The following FAN1 variants were observed in gnomAD, a reference collection of about 807,000 sequenced individuals.
FAN1 encodes fanconi-associated nuclease 1.
A neutral mutation model predicts 104.9 loss-of-function variants in FAN1; 91 were observed. That is an observed-to-expected ratio of 0.87 (90% CI 0.73 to 1.03). FAN1 has a LOEUF of 1.03. FAN1 is among the 50% of genes least tolerant of loss of function. FAN1 has a pLI of 0.00. For missense variants in FAN1, 1,263 were observed against 1,239.9 expected, an observed-to-expected ratio of 1.02 and a Z score of -0.28; for synonymous variants, 478 against 457.6, an observed-to-expected ratio of 1.04 and a Z score of -0.57.
chr15:30,908,841 C>CA (rs2062037725), intron 3 of FAN1, among the ~76,000 whole-genome samples: 1 of 151,880 alleles, frequency 6.6e-6, no homozygotes, highest in South Asian at 2.1e-4. Context: ...AACTCTGTCT[C>CA]AAAAAAAATG....
chr15:30,910,147 T>C (rs2062066414), intron 3 of FAN1, among the ~76,000 whole-genome samples: 1 of 152,252 alleles, frequency 6.6e-6, no homozygotes, highest in Non-Finnish European at 1.5e-5. Flanking sequence ...GCCGAATTCC[T>C]AGGCCAAGGT....
intron 10 of FAN1, chr15:30,927,863 T>G: frequency 1.0e-6 from 1 of 985,664 alleles, no homozygotes; most frequent in South Asian, 4.7e-5. Flanking sequence ...CACCAGACCC[T>G]GCCTCTGACT....
At chr15:30,937,378 C>T (rs2062885716) in intron 14 of FAN1, 119 bp downstream of exon 14, 3 of 896,994 alleles carry the variant, frequency 3.3e-6, no homozygotes, top group Middle Eastern at 3.0e-4. Flanking sequence ...TGTCATTTTA[C>T]AGTGTCTGCA....
chr15:30,930,162 G>C (rs1195378709), intron 12 of FAN1, among the ~76,000 whole-genome samples: 2 of 151,420 alleles, frequency 1.3e-5, no homozygotes, highest in Admixed American at 6.6e-5. Context: ...TGAGTTGACA[G>C]CTTTCTTTTG....
intron 5 of FAN1, among the ~76,000 whole-genome samples, chr15:30,916,342 G>C (rs941417922): frequency 1.3e-5 from 2 of 152,044 alleles, no homozygotes; most frequent in Non-Finnish European, 2.9e-5. Context: ...ACATGTGTGG[G>C]GTGCATGGGA....
At position 30,941,866 on chromosome 15, in the gene FAN1, C is replaced by A; in HGVS notation, c.*304C>A. On this transcript the variant is annotated 3_prime_UTR_variant, in exon 15 of 15. Coordinates refer to ENST00000362065, the MANE Select transcript of FAN1 (RefSeq NM_014967.5). ...TTATGTGTGTTCCAGAGACACGTGGCAGAATAACACCGTGCAGGTTGGCGG... is the reference window on the plus strand; with the variant it reads ...TTATGTGTGTTCCAGAGACACGTGGAAGAATAACACCGTGCAGGTTGGCGG... 6.2e-7 allele frequency: 1 copy of A among 1,614,040 alleles called. No individual in the cohort carries two copies.
intron 2 of FAN1, among the ~76,000 whole-genome samples, chr15:30,907,528 AAAACAAAAAC>A: frequency 1.8e-5 from 2 of 113,594 alleles, no homozygotes; most frequent in Middle Eastern, 8.3e-3. Context: ...CAAAAAAAAC[AAAACAAAAAC>A]AAAACAAAAA....
chr15:30,928,435 C>A lies in FAN1; in HGVS notation c.2489-118C>A. 5.3e-6 allele frequency: 8 copies of A among 1,506,854 alleles called. No individual in the cohort carries two copies. In the South Asian group the frequency reaches 1.1e-4, roughly 20 times the overall value. The allele number at this position is 1,506,854 out of a possible 1,614,324, so 93.3% of individuals were successfully genotyped here. Reference sequence around the variant, plus strand: ...ATTTGCTTCTGAATCTAAAATATTTCTATTATTTTCTTGAAATTGAGTGTG... The same window carrying A: ...ATTTGCTTCTGAATCTAAAATATTTATATTATTTTCTTGAAATTGAGTGTG... On this transcript the variant is annotated intron_variant, in intron 10 of 14. Coordinates refer to ENST00000362065, the MANE Select transcript of FAN1 (RefSeq NM_014967.5).
chr15:30,905,888 C>A lies in FAN1; in HGVS notation c.1225C>A (p.Gln409Lys). ...QEKGIVTKFY[Q>K]LSATGQKLYV... ...GAAGGGAATTGTAACTAAATTTTAT[C>A]AGTTATCAGGTATCTTACGCACGTG... The change falls in exon 2 of 15, where the codon CAG becomes AAG. Residue 409 changes from glutamine to lysine, a missense_variant. Transcript: ENST00000362065. 6.2e-7 allele frequency: 1 copy of A among 1,612,180 alleles called. No homozygotes were observed. The highest frequency in any genetic ancestry group is 8.5e-7 in the Non-Finnish European group (1 of 1,178,684).
chr15:30,922,402 A>C, intron 8 of FAN1, 48 bp downstream of exon 8: 2 of 1,555,128 alleles, frequency 1.3e-6, no homozygotes, highest in Non-Finnish European at 1.7e-6. Flanking sequence ...TTTTAGAATC[A>C]ACTTTTAAAA....
intron 10 of FAN1, 57 bp downstream of exon 10, chr15:30,925,996 C>A: frequency 2.6e-6 from 4 of 1,567,642 alleles, no homozygotes; most frequent in Admixed American, 3.4e-5. Context: ...AGCAGCAGCA[C>A]TGGATGGGCT....
Position 30,941,698 on chromosome 15 carries a change from G to A in FAN1, c.*136G>A, listed in dbSNP as rs762731883. The stretch of plus-strand genomic sequence containing the variant: ...GCTCCCCATAGCAGGCCTCCAGGGG[G>A]CCACTGCGCTGTTGCCGCAGCATCC... On this transcript the variant is annotated 3_prime_UTR_variant, in exon 15 of 15. Coordinates refer to ENST00000362065, the MANE Select transcript of FAN1 (RefSeq NM_014967.5). 3 of 1,613,840 alleles carry A rather than the reference G, an allele frequency of 1.9e-6. No homozygotes were observed. Among genetic ancestry groups the A allele is most frequent in the East Asian group, 4.5e-5 (2 of 44,884 alleles).
At chr15:30,927,841 C>T in intron 10 of FAN1, 1 of 985,592 alleles carries the variant, frequency 1.0e-6, no homozygotes, top group Non-Finnish European at 1.2e-6. Flanking sequence ...CAAGGCTGAC[C>T]CCCTCATCCC....
At chr15:30,906,029 T>A (rs2061971770) in intron 2 of FAN1, 132 bp downstream of exon 2, 1 of 792,096 alleles carries the variant, frequency 1.3e-6, no homozygotes, top group African/African-American at 1.7e-5. Context: ...TGTGGGAGTG[T>A]TCATGGGAGT....
chr15:30,906,629 G>A, intron 2 of FAN1: 1 of 424,874 alleles, frequency 2.4e-6, no homozygotes, highest in South Asian at 1.6e-5. Context: ...AGTAAAATGC[G>A]GCCATGTGTG....
At position 30,928,670 on chromosome 15, in the gene FAN1, C is replaced by T. The variant is rs768157749; in HGVS notation, c.2592+14C>T. ...AACGCCTGTCAGGTACTCCAGTGCC[C>T]CTGCCCCACGAGTAGGTCCTTCTGC... On this transcript the variant is annotated intron_variant, in intron 11 of 14. Transcript: ENST00000362065. 6.2e-7 allele frequency: 1 copy of T among 1,613,612 alleles called. No homozygotes were observed. Among genetic ancestry groups the T allele is most frequent in the Non-Finnish European group, 8.5e-7 (1 of 1,179,678 alleles).
In FAN1 at chr15:30,941,653, G is replaced by C. The variant is rs541383356; in HGVS notation, c.*91G>C. The C allele has an allele frequency of 6.2e-7, 1 of 1,612,204 alleles. No homozygotes were observed. The highest frequency in any genetic ancestry group is 1.7e-5 in the Admixed American group (1 of 59,644). On this transcript the variant is annotated 3_prime_UTR_variant, in exon 15 of 15. Coordinates refer to ENST00000362065, the MANE Select transcript of FAN1 (RefSeq NM_014967.5). ...TGTGGTGAGGGCCGCTGGCGTTGAA[G>C]TACATCCTGCTCTGGCCCAGCTCCC...
At chr15:30,922,170 G>A in intron 7 of FAN1, 65 bp from the exon 8 acceptor site, 17 of 1,575,810 alleles carry the variant, frequency 1.1e-5, no homozygotes, top group African/African-American at 1.4e-5. Flanking sequence ...CTATGGGCTT[G>A]TAAATATCAT....
chr15:30,924,035 A>G (rs972351731), intron 8 of FAN1, among the ~76,000 whole-genome samples: 2 of 152,012 alleles, frequency 1.3e-5, no homozygotes, highest in African/African-American at 4.8e-5. Context: ...CGTCTCATCT[A>G]CTTTTTGTGT....
Sources: gnomAD v4.1 joint callset for allele counts (sites outside exome capture counted in the v4.1 genomes callset) on GRCh38, gnomAD v4.1.1 for gene constraint, MANE v1.5 for transcripts, NCBI Gene and HGNC (gene_info 2026-07-23, HGNC 2026-07-21) for gene names.